STRA8: variants seen among roughly 807,000 people sequenced by gnomAD.
The protein encoded by STRA8 is stimulated by retinoic acid 8.
A neutral mutation model predicts 37.1 loss-of-function variants in STRA8; 18 were observed. The observed-to-expected ratio is 0.48, with a 90% CI of 0.34 to 0.72. The LOEUF (loss-of-function observed/expected upper bound fraction) is 0.72, where lower values mean the gene tolerates loss of function less well. Ranked by LOEUF, STRA8 falls within the 30% of genes least tolerant of loss-of-function variation. The probability of loss-of-function intolerance (pLI) is 0.01; values close to 1 mark genes in which losing one functional copy is unlikely to be tolerated. For synonymous variants in STRA8, 168 were observed against 162.9 expected, an observed-to-expected ratio of 1.03 and a Z score of -0.24; for missense variants, 357 against 410.4, an observed-to-expected ratio of 0.87 and a Z score of 1.13.
At chr7:135,252,061 T>A (rs1832645469) in intron 7 of STRA8, among the ~76,000 whole-genome samples, 192 bp downstream of exon 7, 1 of 145,672 alleles carries the variant, frequency 6.9e-6, no homozygotes, top group South Asian at 2.2e-4. Flanking sequence ...CCTGCTGGGG[T>A]GTTCAGGGGC....
intron 3 of STRA8, 89 bp from the exon 4 acceptor site, chr7:135,243,237 C>T: frequency 7.0e-7 from 1 of 1,421,450 alleles, no homozygotes; most frequent in Admixed American, 1.8e-5. Flanking sequence ...AGGGTCCCAC[C>T]CACAGCCCAC....
At chr7:135,255,799 G>A (rs944079892) in intron 8 of STRA8, among the ~76,000 whole-genome samples, 2 of 152,204 alleles carry the variant, frequency 1.3e-5, no homozygotes, top group Non-Finnish European at 2.9e-5. Context: ...CTGCTCTAAG[G>A]CAGACCTTGA....
chr7:135,249,281 A>G (rs1230811815), intron 6 of STRA8, among the ~76,000 whole-genome samples: 2 of 152,192 alleles, frequency 1.3e-5, no homozygotes, highest in African/African-American at 4.8e-5. Context: ...ATATGAAAAA[A>G]TATATATAAA....
chr7:135,241,982 A>G (rs554526444), intron 2 of STRA8, among the ~76,000 whole-genome samples: 1 of 151,642 alleles, frequency 6.6e-6, no homozygotes, highest in African/African-American at 2.4e-5. Flanking sequence ...GTTTTTGAAT[A>G]ATCTTGCTGT....
At chr7:135,238,663 C>T (rs886722209) in intron 1 of STRA8, among the ~76,000 whole-genome samples, 1 of 152,154 alleles carries the variant, frequency 6.6e-6, no homozygotes. Flanking sequence ...CCCTGGTGTC[C>T]AGACACATCT....
chr7:135,238,525 T>C (rs916937393), intron 1 of STRA8, among the ~76,000 whole-genome samples: 4 of 152,164 alleles, frequency 2.6e-5, no homozygotes, highest in Non-Finnish European at 5.9e-5. Context: ...CCAGAGGCCT[T>C]TGGTGTTAGT....
rs1270845831 is a variant in STRA8, at chr7:135,258,629, T to G, written c.*137T>G. ...GTTGTTCCAGAAGCATTTTGATGAT[T>G]TTAGTTTCTGATTATTATAAAGTAT... On this transcript the variant is annotated 3_prime_UTR_variant, in exon 9 of 9. Transcript: ENST00000662584. 1 of 664,356 alleles carries G rather than the reference T, an allele frequency of 1.5e-6. No individual in the cohort carries two copies. The highest frequency in any genetic ancestry group is 1.8e-5 in the African/African-American group (1 of 54,624). The allele number at this position is 664,356 out of a possible 1,614,324, so 41.2% of individuals were successfully genotyped here. A position where few individuals can be genotyped will look rare whatever the true frequency, so the allele number is the denominator to read the frequency against.
intron 1 of STRA8, among the ~76,000 whole-genome samples, chr7:135,237,896 C>CA (rs1270776362): frequency 1.3e-5 from 2 of 150,066 alleles, no homozygotes; most frequent in African/African-American, 4.9e-5. Context: ...CATCTCAAAA[C>CA]AAAAAACAAA....
At chr7:135,245,184 C>A in intron 4 of STRA8, 104 bp from the exon 5 acceptor site, 1 of 736,830 alleles carries the variant, frequency 1.4e-6, no homozygotes, top group South Asian at 1.5e-5. Flanking sequence ...TACACACACA[C>A]ACATACATAT....
At chr7:135,240,434 G>A in intron 1 of STRA8, 85 bp from the exon 2 acceptor site, 1 of 1,383,304 alleles carries the variant, frequency 7.2e-7, no homozygotes, top group Non-Finnish European at 1.0e-6. Context: ...CCTCCTTTCT[G>A]CCTGCCTCAA....
upstream of STRA8, among the ~76,000 whole-genome samples, chr7:135,232,898 A>C (rs185289400): frequency 6.6e-6 from 1 of 152,284 alleles, no homozygotes; most frequent in East Asian, 1.9e-4. Flanking sequence ...GGAGTGAAGG[A>C]GCTCACCCAT....
chr7:135,257,416 T>C (rs1331856274), intron 8 of STRA8, among the ~76,000 whole-genome samples: 2 of 152,082 alleles, frequency 1.3e-5, no homozygotes, highest in Non-Finnish European at 2.9e-5. Context: ...CTTTAGGGAC[T>C]GAGAAACCCT....
intron 1 of STRA8, among the ~76,000 whole-genome samples, chr7:135,234,157 A>G (rs1002580397): frequency 6.6e-6 from 1 of 151,742 alleles, no homozygotes; most frequent in Non-Finnish European, 1.5e-5. Flanking sequence ...CCCAGGCTGG[A>G]GTGCAATGGC....
intron 2 of STRA8, 141 bp downstream of exon 2, chr7:135,240,857 T>A: frequency 1.1e-6 from 1 of 895,982 alleles, no homozygotes; most frequent in Non-Finnish European, 1.7e-6. Context: ...CTAGACAGGG[T>A]AATTTATAAA....
In STRA8 at chr7:135,245,399, AGAG is replaced by A. The variant is rs1363477685; in HGVS notation, c.474_476del (p.Glu178del). ...ATGAGGAAGAGGAAGATCAAGAAGA[AGAG>A]GAGGAGGAAGAAGAAGAGGAGGAGG... On this transcript the variant is annotated inframe_deletion, in exon 5 of 9. Transcript: ENST00000662584. 8 of 730,260 alleles carry A rather than the reference AGAG, an allele frequency of 1.1e-5. No individual in the cohort carries two copies. In the African/African-American group the frequency reaches 1.3e-4, roughly 12 times the overall value. 45.2% of individuals were successfully genotyped at this position (730,260 alleles called of 1,614,324 possible).
At chr7:135,237,856 C>T (rs546145906) in intron 1 of STRA8, among the ~76,000 whole-genome samples, 9 of 151,990 alleles carry the variant, frequency 5.9e-5, no homozygotes, top group Non-Finnish European at 1.0e-4. Flanking sequence ...CACGCCACTG[C>T]ACTCCAACCC....
intron 5 of STRA8, among the ~76,000 whole-genome samples, 62 bp downstream of exon 5, chr7:135,245,589 G>A (rs1000167235): frequency 6.6e-6 from 1 of 152,184 alleles, no homozygotes; most frequent in Non-Finnish European, 1.5e-5. Flanking sequence ...TGGGGAAGGG[G>A]ACAGAGGCTC....
intron 8 of STRA8, among the ~76,000 whole-genome samples, chr7:135,257,669 C>T (rs113192541): frequency 0.38 from 58,034 of 151,944 alleles, 12,782 homozygotes; most frequent in African/African-American, 0.62. Context: ...TCAGGTGATC[C>T]GCCTGCCTTG....
At chr7:135,243,543 C>A in intron 4 of STRA8, 133 bp downstream of exon 4, 2 of 675,112 alleles carry the variant, frequency 3.0e-6, no homozygotes, top group Non-Finnish European at 4.9e-6. Flanking sequence ...TTCAAAACAG[C>A]CATATGCTGG....
Sources: allele counts gnomAD v4.1 joint callset (sites outside exome capture counted in the v4.1 genomes callset), GRCh38; gene constraint gnomAD v4.1.1; transcripts MANE v1.5; gene names NCBI Gene and HGNC (gene_info 2026-07-23, HGNC 2026-07-21).